Variants in PSMD13 observed in about 807,000 individuals in gnomAD.
PSMD13 encodes the protein proteasome 26S subunit, non-ATPase 13.
PSMD13 carries 8 observed loss-of-function variants against 57.4 expected under a neutral mutation model. The ratio of observed to expected loss-of-function variants is 0.14; its 90% CI spans 0.08 to 0.25. The LOEUF (loss-of-function observed/expected upper bound fraction) is 0.25, where lower values mean the gene tolerates loss of function less well. Among genes scored for constraint, PSMD13 ranks in the 10% least tolerant of loss-of-function variants. The pLI, the probability that PSMD13 is intolerant of heterozygous loss-of-function variation, is 1.00. For missense variants in PSMD13, 400 were observed against 461.5 expected (o/e 0.87, Z 1.22); for synonymous variants, 193 against 168.2 (o/e 1.15, Z -1.14).
chr11:247,250 A>T (rs777631349), intron 6 of PSMD13, 27 bp from the exon 7 acceptor site: 3 of 1,586,234 alleles, frequency 1.9e-6, no homozygotes, highest in Non-Finnish European at 1.7e-6. Flanking sequence ...ACTTAAAAAG[A>T]GAGATGATTT....
At chr11:245,670 G>T (rs1478711746) in intron 6 of PSMD13, among the ~76,000 whole-genome samples, 2 of 139,736 alleles carry the variant, frequency 1.4e-5, no homozygotes, top group African/African-American at 5.4e-5. Flanking sequence ...GTGTGTGTGT[G>T]TGTGTGTGTG....
chr11:246,358 C>T (rs1410464756), intron 6 of PSMD13, among the ~76,000 whole-genome samples: 5 of 152,018 alleles, frequency 3.3e-5, no homozygotes, highest in South Asian at 2.1e-4. Context: ...AAAAATTAGC[C>T]GGGCATGGTG....
chr11:245,704 G>T (rs141378376), intron 6 of PSMD13, among the ~76,000 whole-genome samples: 2 of 20,350 alleles, frequency 9.8e-5, no homozygotes, highest in Non-Finnish European at 1.3e-4. Context: ...TCGTGTGTTT[G>T]TGTGTGTTTG....
chr11:249,532 G>A (rs1859727990), intron 9 of PSMD13, among the ~76,000 whole-genome samples: 1 of 147,684 alleles, frequency 6.8e-6, no homozygotes, highest in African/African-American at 2.5e-5. Flanking sequence ...GAATGGGAGA[G>A]CGGTGGGTGC....
At chr11:246,469 A>G (rs1859650057) in intron 6 of PSMD13, among the ~76,000 whole-genome samples, 1 of 152,170 alleles carries the variant, frequency 6.6e-6, no homozygotes, top group Non-Finnish European at 1.5e-5. Context: ...CCACTGCACT[A>G]CAGCTTGGGC....
chr11:239,168 C>G, intron 2 of PSMD13, 92 bp downstream of exon 2: 6 of 1,202,568 alleles, frequency 5.0e-6, no homozygotes, highest in Non-Finnish European at 7.4e-6. Flanking sequence ...TAATAATAAG[C>G]TCCAATATTC....
At chr11:244,327 A>G in intron 4 of PSMD13, 99 bp from the exon 5 acceptor site, 1 of 1,578,226 alleles carries the variant, frequency 6.3e-7, no homozygotes, top group Non-Finnish European at 8.6e-7. Context: ...TTTTTATTAT[A>G]CTTTATGGTC....
chr11:246,117 G>C (rs1859642287), intron 6 of PSMD13, among the ~76,000 whole-genome samples: 1 of 152,188 alleles, frequency 6.6e-6, no homozygotes, highest in South Asian at 2.1e-4. Context: ...CTAGGTTTCA[G>C]AGTCATGTGG....
rs143647251 is a variant in PSMD13, at chr11:247,559, C to T, written c.568+111C>T. 7,236 of 1,227,546 alleles carry T rather than the reference C, an allele frequency of 5.9e-3. 45 individuals are homozygous for T. Among genetic ancestry groups the T allele is most frequent in the African/African-American group, 0.026 (1,682 of 65,870 alleles). The allele number at this position is 1,227,546 out of a possible 1,614,324, so 76.0% of individuals were successfully genotyped here. On this transcript the variant is annotated intron_variant, in intron 7 of 12. Coordinates refer to ENST00000532097, the MANE Select transcript of PSMD13 (RefSeq NM_002817.4). ...GAAATTACTAAGGTGGGGCTGGGCA[C>T]GGTGGCTCACGCCTGTAATCCCAGC... is the stretch of plus-strand genomic sequence containing the variant.
At position 250,779 on chromosome 11, in the gene PSMD13, T is replaced by C. The variant is rs377170162; in HGVS notation, c.775-24T>C. 8 of 1,606,854 alleles carry C rather than the reference T, an allele frequency of 5.0e-6. No homozygotes were observed. The East Asian group carries it at 1.1e-4, about 22-fold the overall frequency. The stretch of plus-strand genomic sequence containing the variant: ...GATAAGCACAAACATGGAAGACATT[T>C]TTCTGTCTTTCTATACTTTACAGCC... On this transcript the variant is annotated intron_variant, in intron 9 of 12. Transcript: ENST00000532097.
In PSMD13 at chr11:250,948, G is replaced by A. The variant is rs553232970; in HGVS notation, c.837+83G>A. 100 of 1,231,424 alleles carry A rather than the reference G, an allele frequency of 8.1e-5. 1 individual carries two copies. In the South Asian group the frequency reaches 1.2e-3, roughly 14 times the overall value. The allele number at this position is 1,231,424 out of a possible 1,614,324, so 76.3% of individuals were successfully genotyped here. On this transcript the variant is annotated intron_variant, in intron 10 of 12. Transcript: ENST00000532097. Reference sequence around the variant, plus strand: ...GCGCTGCACTCTCCAAGCCTGTGCTGAGCAGTGTGAGCTTTCAGTGGTGCT... The same window carrying A: ...GCGCTGCACTCTCCAAGCCTGTGCTAAGCAGTGTGAGCTTTCAGTGGTGCT...
intron 6 of PSMD13, 56 bp downstream of exon 6, chr11:244,817 GA>G (rs141244868): frequency 0.046 from 61,036 of 1,323,152 alleles, 2,006 homozygotes; most frequent in East Asian, 0.13. Flanking sequence ...AAAACCCTAG[GA>G]AAAAAAATAA....
In PSMD13 at chr11:251,554, C is replaced by T. The variant is rs1258859091; in HGVS notation, c.846C>T (p.Phe282=). 1 of 1,613,082 alleles carries T rather than the reference C, an allele frequency of 6.2e-7. No individual in the cohort carries two copies. Among genetic ancestry groups the T allele is most frequent in the Non-Finnish European group, 8.5e-7 (1 of 1,179,492 alleles). The change falls in exon 11 of 13, where the codon TTC becomes TTT. Residue 282 remains phenylalanine, a synonymous_variant. Coordinates refer to ENST00000532097, the MANE Select transcript of PSMD13 (RefSeq NM_002817.4). This position sits in a 1 kb window ranked among gnomAD's most constrained non-coding sequence, Gnocchi z 4.6. The part of the protein sequence containing the change: ...IQLLCLMEMT[F]TRPANHRQLT... ...AATAAAATTTTTTCCAGATGACTTTCACACGACCTGCCAATCACAGACAAC... is the reference window on the plus strand; with the variant it reads ...AATAAAATTTTTTCCAGATGACTTTTACACGACCTGCCAATCACAGACAAC...
intron 7 of PSMD13, 49 bp downstream of exon 7, chr11:247,497 C>G (rs753355794): frequency 1.3e-6 from 2 of 1,580,834 alleles, no homozygotes; most frequent in South Asian, 1.2e-5. Context: ...ATTCTCCAAA[C>G]TTAGCATCTG....
Position 252,450 on chromosome 11 carries a change from C to A in PSMD13, c.1036-55C>A. The A allele has an allele frequency of 2.6e-6, 4 of 1,562,352 alleles. No individual in the cohort carries two copies. The highest frequency in any genetic ancestry group is 2.2e-5 in the South Asian group (2 of 89,666). On this transcript the variant is annotated intron_variant, in intron 12 of 12. Transcript: ENST00000532097. The surrounding 1 kb of genome is among the most constrained non-coding windows in gnomAD (Gnocchi z 4.1). The stretch of plus-strand genomic sequence containing the variant: ...CCCATCAGGTGCTGTGCCGGCCGCT[C>A]GGCCTGTGTCTCCTGCGTGTCTTAA...
At chr11:243,968 G>A (rs1859577342) in intron 2 of PSMD13, 73 bp from the exon 3 acceptor site, 1 of 1,456,822 alleles carries the variant, frequency 6.9e-7, no homozygotes, top group East Asian at 2.3e-5. Flanking sequence ...CTTTACCAAA[G>A]ATAGTGTTTG....
chr11:247,569 C>A (rs371953165), intron 7 of PSMD13, 121 bp downstream of exon 7: 2 of 1,107,994 alleles, frequency 1.8e-6, no homozygotes, highest in East Asian at 2.6e-5. Flanking sequence ...CGGTGGCTCA[C>A]GCCTGTAATC....
intron 2 of PSMD13, 31 bp from the exon 3 acceptor site, chr11:244,005 CATCCT>C: frequency 6.3e-7 from 1 of 1,575,844 alleles, no homozygotes; most frequent in Non-Finnish European, 8.7e-7. Context: ...GAATAAAAGA[CATCCT>C]ATAATTTCTC....
intron 2 of PSMD13, among the ~76,000 whole-genome samples, chr11:242,258 G>A (rs978710556): frequency 2.7e-5 from 4 of 147,754 alleles, no homozygotes; most frequent in Non-Finnish European, 5.9e-5. Flanking sequence ...CTATGTTGTA[G>A]TATCTAGTAT....
Sources: gnomAD v4.1 joint callset for allele counts (sites outside exome capture counted in the v4.1 genomes callset) on GRCh38, gnomAD v4.1.1 for gene constraint, Gnocchi (gnomAD v3.1) non-coding constraint, MANE v1.5 for transcripts, NCBI Gene and HGNC (gene_info 2026-07-23, HGNC 2026-07-21) for gene names.